THSD4: variants seen among roughly 807,000 people sequenced by gnomAD.
THSD4 encodes thrombospondin type 1 domain containing 4.
Under a neutral mutation model 119.0 loss-of-function variants are expected in THSD4, and 69 were observed. That is an observed-to-expected ratio of 0.58 (90% CI 0.48 to 0.71). The LOEUF is 0.71. THSD4 is among the 30% of genes least tolerant of loss of function. THSD4 has a pLI of 0.00. For missense variants in THSD4, 1,393 were observed against 1,391.1 expected, an observed-to-expected ratio of 1.00 and a Z score of -0.02; for synonymous variants, 524 against 540.4, an observed-to-expected ratio of 0.97 and a Z score of 0.42.
intron 7 of THSD4, among the ~76,000 whole-genome samples, chr15:71,563,416 A>G (rs2049164947): frequency 6.6e-6 from 1 of 152,202 alleles, no homozygotes; most frequent in African/African-American, 2.4e-5. Context: ...AATCACAAAT[A>G]TCATTGAAAA....
intron 6 of THSD4, among the ~76,000 whole-genome samples, chr15:71,394,619 G>A (rs1427388994): frequency 1.3e-5 from 2 of 152,114 alleles, no homozygotes; most frequent in Non-Finnish European, 2.9e-5. Context: ...GCATAGGCTG[G>A]TGCTACTGCT....
intron 7 of THSD4, among the ~76,000 whole-genome samples, chr15:71,443,977 G>T (rs1178674656): frequency 6.6e-6 from 1 of 152,168 alleles, no homozygotes. Flanking sequence ...TGGAAAATCT[G>T]TCTGTCTCAT....
At chr15:71,305,012 A>G (rs1469059714) in intron 6 of THSD4, among the ~76,000 whole-genome samples, 1 of 152,246 alleles carries the variant, frequency 6.6e-6, no homozygotes, top group Non-Finnish European at 1.5e-5. Context: ...TCCGTGAATC[A>G]CAGTGGTCCA....
chr15:71,230,144 G>A (rs2044048758), intron 4 of THSD4, among the ~76,000 whole-genome samples: 1 of 152,148 alleles, frequency 6.6e-6, no homozygotes, highest in South Asian at 2.1e-4. Flanking sequence ...GGAGAGAGGG[G>A]ATAGGATCTC....
In THSD4 at chr15:71,621,177, A is replaced by G. The variant is rs16955879; in HGVS notation, c.1153-39353A>G. 5.9e-3 allele frequency among the ~76,000 whole-genome samples: 902 copies of G among 152,362 alleles called. 21 individuals are homozygous for G. The East Asian group carries it at 0.061, about 10-fold the overall frequency. Reference sequence around the variant, plus strand: ...TAACTTACAATTAATGGTAATTTAGATTGCTGTGAAATACAATATATAATT... The same window carrying G: ...TAACTTACAATTAATGGTAATTTAGGTTGCTGTGAAATACAATATATAATT... On this transcript the variant is annotated intron_variant, in intron 7 of 17. Transcript: ENST00000261862.
intron 6 of THSD4, among the ~76,000 whole-genome samples, chr15:71,376,291 C>G (rs2046135860): frequency 6.6e-6 from 1 of 152,182 alleles, no homozygotes; most frequent in Non-Finnish European, 1.5e-5. Context: ...AGGCTCTCTT[C>G]TGATCTTCAT....
intron 3 of THSD4, among the ~76,000 whole-genome samples, chr15:71,174,897 G>A (rs1596245102): frequency 6.6e-6 from 1 of 150,950 alleles, no homozygotes. Flanking sequence ...CACAAGGCAG[G>A]GTATTCCAAC....
chr15:71,582,440 G>A (rs755165319), intron 7 of THSD4, among the ~76,000 whole-genome samples: 1 of 152,002 alleles, frequency 6.6e-6, no homozygotes, highest in Non-Finnish European at 1.5e-5. Flanking sequence ...GAGACAGTTT[G>A]ATTTTTTTCC....
At chr15:71,488,785 TC>T (rs879343382) in intron 7 of THSD4, among the ~76,000 whole-genome samples, 1 of 152,244 alleles carries the variant, frequency 6.6e-6, no homozygotes, top group African/African-American at 2.4e-5. Context: ...TATTTACTAT[TC>T]CCCGCCCCTT....
chr15:71,420,071 G>T (rs2046792257), intron 7 of THSD4, among the ~76,000 whole-genome samples: 1 of 108,076 alleles, frequency 9.3e-6, no homozygotes, highest in Non-Finnish European at 2.0e-5. Context: ...CTGAAAGTGT[G>T]GTGTTGAAGT....
chr15:71,579,984 A>T (rs1035073949), intron 7 of THSD4, among the ~76,000 whole-genome samples: 1 of 152,116 alleles, frequency 6.6e-6, no homozygotes, highest in African/African-American at 2.4e-5. Context: ...CAACCACAGG[A>T]TGCAAATTAC....
intron 7 of THSD4, among the ~76,000 whole-genome samples, chr15:71,466,762 A>G (rs752822601): frequency 6.6e-6 from 1 of 152,158 alleles, no homozygotes; most frequent in Non-Finnish European, 1.5e-5. Flanking sequence ...GCTAATCTCA[A>G]AGTCTTCTGA....
chr15:71,419,398 G>A lies in THSD4; in HGVS notation c.1152+7575G>A, dbSNP rs1453135101. 2.8e-5 allele frequency among the ~76,000 whole-genome samples: 3 copies of A among 105,764 alleles called. 1 individual carries two copies. Among genetic ancestry groups the A allele is most frequent in the Non-Finnish European group, 6.2e-5 (3 of 48,568 alleles). 69.4% of individuals were successfully genotyped at this position (105,764 alleles called of 152,430 possible). A position where few individuals can be genotyped will look rare whatever the true frequency, so the allele number is the denominator to read the frequency against. ...TAAATTTTTGTAGAGATGGGATCTC[G>A]CTATGATGCCTAGGCTGGTCTTGAA... On this transcript the variant is annotated intron_variant, in intron 7 of 17. Transcript: ENST00000261862.
chr15:71,467,503 A>G (rs2047516902), intron 7 of THSD4, among the ~76,000 whole-genome samples: 2 of 152,180 alleles, frequency 1.3e-5, no homozygotes, highest in Non-Finnish European at 2.9e-5. Context: ...TCAGCAAGCA[A>G]GGCCTGTTTG....
intron 7 of THSD4, among the ~76,000 whole-genome samples, chr15:71,528,398 G>A (rs2048558652): frequency 6.6e-6 from 1 of 152,132 alleles, no homozygotes; most frequent in Non-Finnish European, 1.5e-5. Flanking sequence ...GCAGCCAGCA[G>A]CCCTCAGCTC....
At chr15:71,442,660 G>GTGTATGTATGTATGTATATGTATATA in intron 7 of THSD4, among the ~76,000 whole-genome samples, 2 of 25,824 alleles carry the variant, frequency 7.7e-5, no homozygotes, top group African/African-American at 2.2e-4. Flanking sequence ...GTGTGTGTGT[G>GTGTATGTATGTATGTATATGTATATA]TATATATATA....
intron 17 of THSD4, among the ~76,000 whole-genome samples, chr15:71,774,364 A>C (rs2053877739): frequency 6.6e-6 from 1 of 151,974 alleles, no homozygotes; most frequent in Admixed American, 6.6e-5. Flanking sequence ...GCTACTAGTA[A>C]TCAGAAATGC....
chr15:71,270,495 A>G (rs1344587933), intron 6 of THSD4, among the ~76,000 whole-genome samples: 1 of 152,234 alleles, frequency 6.6e-6, no homozygotes, highest in Non-Finnish European at 1.5e-5. Flanking sequence ...CACAGTTCAA[A>G]GTGTTGACTC....
chr15:71,211,346 C>G (rs1001482458), intron 3 of THSD4, among the ~76,000 whole-genome samples: 3 of 152,132 alleles, frequency 2.0e-5, no homozygotes, highest in Non-Finnish European at 4.4e-5. Context: ...AGTCCAAGAT[C>G]AAGGTGTTGA....
Sources: allele counts gnomAD v4.1 joint callset (sites outside exome capture counted in the v4.1 genomes callset), GRCh38; gene constraint gnomAD v4.1.1; transcripts MANE v1.5; gene names NCBI Gene and HGNC (gene_info 2026-07-23, HGNC 2026-07-21).